Variants in MBOAT1 observed in about 807,000 individuals in gnomAD.
The protein encoded by MBOAT1 is membrane-bound glycerophospholipid O-acyltransferase 1.
MBOAT1 carries 67 observed loss-of-function variants against 64.4 expected under a neutral mutation model. The observed-to-expected ratio is 1.04, with a 90% CI of 0.85 to 1.27. The LOEUF (loss-of-function observed/expected upper bound fraction) is 1.27, where lower values mean the gene tolerates loss of function less well. Among genes scored for constraint, MBOAT1 ranks in the 50% most tolerant of loss-of-function variants. MBOAT1 has a pLI of 0.00. For synonymous variants in MBOAT1, 229 were observed against 218.9 expected (o/e 1.05, Z -0.41); for missense variants, 563 against 604.6 (o/e 0.93, Z 0.72).
rs1759785570 is a variant in MBOAT1, at chr6:20,101,526, G to A, written c.*760C>T. Among the ~76,000 whole-genome samples the A allele has an allele frequency of 6.6e-6, 1 of 152,158 alleles. No individual in the cohort carries two copies. Among genetic ancestry groups the A allele is most frequent in the Non-Finnish European group, 1.5e-5 (1 of 68,032 alleles). ...CAAACCAGTAATGTCACAAGTCAAA[G>A]GGTCTGGGGCTTCCCAGGGAACCAC... On this transcript the variant is annotated 3_prime_UTR_variant, in exon 13 of 13. Transcript: ENST00000324607.
intron 4 of MBOAT1, among the ~76,000 whole-genome samples, chr6:20,142,919 A>G (rs1473080533): frequency 6.6e-6 from 1 of 152,190 alleles, no homozygotes; most frequent in Non-Finnish European, 1.5e-5. Flanking sequence ...ACCAAACCAC[A>G]GTCACAAAGA....
chr6:20,163,619 C>T (rs187228420), intron 1 of MBOAT1, among the ~76,000 whole-genome samples: 9 of 152,262 alleles, frequency 5.9e-5, no homozygotes, highest in African/African-American at 2.2e-4. Flanking sequence ...CAGGCACAAC[C>T]TTCTCGCATG....
At chr6:20,158,691 A>G (rs1761765087) in intron 1 of MBOAT1, among the ~76,000 whole-genome samples, 1 of 152,228 alleles carries the variant, frequency 6.6e-6, no homozygotes. Context: ...CATATTCAAA[A>G]TATAAAAAGA....
chr6:20,196,943 C>A (rs768370001), intron 1 of MBOAT1, among the ~76,000 whole-genome samples: 7 of 151,862 alleles, frequency 4.6e-5, no homozygotes, highest in Non-Finnish European at 1.0e-4. Context: ...TATGAGATCC[C>A]AGAATAGAAA....
chr6:20,152,076 T>G (rs1485547519), intron 2 of MBOAT1, among the ~76,000 whole-genome samples: 1 of 152,050 alleles, frequency 6.6e-6, no homozygotes, highest in Non-Finnish European at 1.5e-5. Context: ...ATCCTAACAC[T>G]TTGGGAGGCC....
At chr6:20,144,086 C>T (rs1270419521) in intron 4 of MBOAT1, 134 bp downstream of exon 4, 1 of 625,764 alleles carries the variant, frequency 1.6e-6, no homozygotes, top group Non-Finnish European at 2.9e-6. Context: ...CAGCCTCAAT[C>T]CCATTAGCAG....
chr6:20,121,667 G>A (rs558075306), intron 8 of MBOAT1, among the ~76,000 whole-genome samples: 1 of 152,276 alleles, frequency 6.6e-6, no homozygotes, highest in East Asian at 1.9e-4. Context: ...CCTGAGATCA[G>A]GAGCTGATTT....
intron 8 of MBOAT1, among the ~76,000 whole-genome samples, chr6:20,122,295 T>A (rs1181914404): frequency 4.6e-5 from 7 of 152,182 alleles, no homozygotes; most frequent in African/African-American, 1.7e-4. Context: ...AGAAATAAGA[T>A]AAAAGAAGAC....
chr6:20,120,537 C>T (rs755991393), intron 8 of MBOAT1, among the ~76,000 whole-genome samples: 17 of 151,986 alleles, frequency 1.1e-4, no homozygotes, highest in African/African-American at 2.7e-4. Context: ...GGTGTGGTGG[C>T]GGGCACTTGC....
In MBOAT1 at chr6:20,112,930, AG is replaced by A; in HGVS notation, c.1154del (p.Pro385LeufsTer8). 6.2e-7 allele frequency: 1 copy of A among 1,614,178 alleles called. No individual in the cohort carries two copies. Among genetic ancestry groups the A allele is most frequent in the Non-Finnish European group, 8.5e-7 (1 of 1,180,012 alleles). On this transcript the variant is annotated frameshift_variant, in exon 11 of 13. Transcript: ENST00000324607. LOFTEE classifies it high-confidence loss of function. ...ILSALWHGVYPGYYFTFLTGI... is the reference protein window; with the variant it reads ...ILSALWHGVYXGYYFTFLTGI... ...CAGTTAAGAAGGTAAAATAGTATCC[AG>A]GGTAGACACCATGCCACAAAGCAGA...
chr6:20,108,814 A>G (rs1760035328), intron 12 of MBOAT1, among the ~76,000 whole-genome samples: 1 of 152,222 alleles, frequency 6.6e-6, no homozygotes, highest in Non-Finnish European at 1.5e-5. Flanking sequence ...ACTCAGTACT[A>G]AAGACGGTGC....
intron 3 of MBOAT1, 147 bp downstream of exon 3, chr6:20,151,038 G>A (rs1370530699): frequency 1.8e-6 from 1 of 563,954 alleles, no homozygotes; most frequent in Non-Finnish European, 3.1e-6. Flanking sequence ...AGCCTTTAGG[G>A]TTCCCCATCC....
intron 9 of MBOAT1, 104 bp downstream of exon 9, chr6:20,118,333 G>T: frequency 1.1e-6 from 1 of 888,148 alleles, no homozygotes; most frequent in Non-Finnish European, 1.8e-6. Context: ...CCTGAGAGCA[G>T]CTTTTCTTTG....
intron 1 of MBOAT1, among the ~76,000 whole-genome samples, chr6:20,198,101 G>A (rs1325303829): frequency 6.6e-6 from 1 of 151,672 alleles, no homozygotes; most frequent in African/African-American, 2.4e-5. Flanking sequence ...GGTGGCAGGT[G>A]CTTGTAATCC....
chr6:20,115,446 T>C, intron 9 of MBOAT1, 94 bp from the exon 10 acceptor site: 3 of 948,908 alleles, frequency 3.2e-6, no homozygotes, highest in Non-Finnish European at 5.1e-6. Context: ...GGTTAGATAC[T>C]GTATTTCAAT....
chr6:20,186,147 T>C (rs1039171602), intron 1 of MBOAT1, among the ~76,000 whole-genome samples: 21 of 152,224 alleles, frequency 1.4e-4, no homozygotes, highest in Non-Finnish European at 2.8e-4. Flanking sequence ...AGTGCCACTG[T>C]ACTCCAGCAT....
chr6:20,156,119 A>C (rs901455763), intron 1 of MBOAT1, among the ~76,000 whole-genome samples: 3 of 151,876 alleles, frequency 2.0e-5, no homozygotes, highest in Non-Finnish European at 4.4e-5. Flanking sequence ...AAAATACAAA[A>C]AATTAGCCGG....
At chr6:20,191,929 A>G (rs191391110) in intron 1 of MBOAT1, among the ~76,000 whole-genome samples, 1 of 152,308 alleles carries the variant, frequency 6.6e-6, no homozygotes, top group East Asian at 1.9e-4. Flanking sequence ...GGAGTTATGC[A>G]TATTTTCCTT....
chr6:20,158,566 T>C (rs572847776), intron 1 of MBOAT1, among the ~76,000 whole-genome samples: 40 of 151,962 alleles, frequency 2.6e-4, no homozygotes, highest in African/African-American at 8.5e-4. Context: ...AAAGCAAAAA[T>C]AGGTAAACGA....
Sources: allele counts gnomAD v4.1 joint callset (sites outside exome capture counted in the v4.1 genomes callset), GRCh38; gene constraint gnomAD v4.1.1; transcripts MANE v1.5; gene names NCBI Gene and HGNC (gene_info 2026-07-23, HGNC 2026-07-21).